UBE2H: variants seen among roughly 807,000 people sequenced by gnomAD.
The protein encoded by UBE2H is ubiquitin conjugating enzyme E2 H.
UBE2H carries 3 observed loss-of-function variants against 29.0 expected under a neutral mutation model. The observed-to-expected ratio is 0.10, with a 90% CI of 0.05 to 0.27. The LOEUF is 0.27. Ranked by LOEUF, UBE2H falls within the 10% of genes least tolerant of loss-of-function variation. The probability of loss-of-function intolerance (pLI) is 1.00; values close to 1 mark genes in which losing one functional copy is unlikely to be tolerated. For missense variants in UBE2H, 68 were observed against 228.2 expected (o/e 0.30, Z 4.52); for synonymous variants, 69 against 82.9 (o/e 0.83, Z 0.91).
Position 129,902,668 on chromosome 7 carries a change from C to A in UBE2H, c.54-21697G>T, listed in dbSNP as rs568929813. Among the ~76,000 whole-genome samples, 8 of 152,306 alleles carry A rather than the reference C, an allele frequency of 5.3e-5. No individual in the cohort carries two copies. In the East Asian group the frequency reaches 1.4e-3, roughly 26 times the overall value. On this transcript the variant is annotated intron_variant, in intron 1 of 6. Transcript: ENST00000355621. ...GAGGAGCTTGTTAGAAATGAACACA[C>A]TGGACCCCAGTTTCAGACTAACTGA...
At chr7:129,874,636 AT>A (rs951653258) in intron 3 of UBE2H, among the ~76,000 whole-genome samples, 2 of 151,352 alleles carry the variant, frequency 1.3e-5, no homozygotes, top group African/African-American at 2.4e-5. Context: ...AGACTTTTAT[AT>A]TTTTTTTCCC....
chr7:129,899,974 A>G (rs1450266576), intron 1 of UBE2H, among the ~76,000 whole-genome samples: 1 of 152,112 alleles, frequency 6.6e-6, no homozygotes, highest in African/African-American at 2.4e-5. Context: ...TACTAAAAAT[A>G]CAAAAACTAG....
chr7:129,865,000 A>G, intron 3 of UBE2H: 1 of 409,316 alleles, frequency 2.4e-6, no homozygotes. Context: ...ATAAATGTCC[A>G]GCTAAAATGC....
At chr7:129,875,836 G>C (rs1164689709) in intron 3 of UBE2H, among the ~76,000 whole-genome samples, 1 of 152,206 alleles carries the variant, frequency 6.6e-6, no homozygotes, top group Non-Finnish European at 1.5e-5. Context: ...TGAACCTCGA[G>C]AAGTGTGAGC....
At chr7:129,923,690 A>G (rs1207629553) in intron 1 of UBE2H, among the ~76,000 whole-genome samples, 1 of 152,204 alleles carries the variant, frequency 6.6e-6, no homozygotes, top group African/African-American at 2.4e-5. Flanking sequence ...AGGGATCAGG[A>G]ACAGTGATGG....
intron 5 of UBE2H, among the ~76,000 whole-genome samples, chr7:129,856,271 A>C (rs1395808825): frequency 6.6e-6 from 1 of 152,168 alleles, no homozygotes; most frequent in South Asian, 2.1e-4. Flanking sequence ...GTTCAACAAG[A>C]AGCAGCCATC....
At chr7:129,936,804 G>GAAA (rs1171897255) in intron 1 of UBE2H, among the ~76,000 whole-genome samples, 1 of 78,020 alleles carries the variant, frequency 1.3e-5, no homozygotes, top group African/African-American at 4.9e-5. Context: ...TCTCTACTAG[G>GAAA]AAAAAAAAAA....
chr7:129,860,612 T>C (rs559154401), intron 3 of UBE2H, among the ~76,000 whole-genome samples: 4 of 152,036 alleles, frequency 2.6e-5, no homozygotes, highest in Non-Finnish European at 5.9e-5. Flanking sequence ...TGGGATAGGG[T>C]TGGATAAAGG....
At chr7:129,945,849 G>A (rs1000832360) in intron 1 of UBE2H, among the ~76,000 whole-genome samples, 14 of 152,030 alleles carry the variant, frequency 9.2e-5, no homozygotes, top group African/African-American at 3.4e-4. Context: ...CAAGCGAATT[G>A]ATTCTCCTGC....
intron 1 of UBE2H, among the ~76,000 whole-genome samples, chr7:129,924,786 G>C (rs573598761): frequency 2.8e-4 from 42 of 151,942 alleles, no homozygotes; most frequent in Admixed American, 5.3e-4. Flanking sequence ...AAAGCCCCAA[G>C]GTCTCTGAGC....
intron 1 of UBE2H, among the ~76,000 whole-genome samples, chr7:129,916,767 G>A (rs113741044): frequency 0.062 from 9,396 of 152,120 alleles, 366 homozygotes; most frequent in Non-Finnish European, 0.091. Flanking sequence ...GGCTGGGAGC[G>A]GTGGCTCACA....
intron 1 of UBE2H, among the ~76,000 whole-genome samples, chr7:129,910,984 T>C (rs1806924104): frequency 6.6e-6 from 1 of 151,724 alleles, no homozygotes; most frequent in Non-Finnish European, 1.5e-5. Context: ...AGTTGTGAGA[T>C]TATCTCCAAC....
chr7:129,837,897 C>T (rs1210592759), intron 6 of UBE2H, among the ~76,000 whole-genome samples: 2 of 152,022 alleles, frequency 1.3e-5, no homozygotes, highest in Admixed American at 6.6e-5. Context: ...AATGTAGGCT[C>T]GGTTCTTTTT....
In UBE2H at chr7:129,834,875, T is replaced by C; in HGVS notation, c.*62A>G. 1 of 1,599,490 alleles carries C rather than the reference T, an allele frequency of 6.3e-7. No homozygotes were observed. Among genetic ancestry groups the C allele is most frequent in the Non-Finnish European group, 8.5e-7 (1 of 1,175,216 alleles). On this transcript the variant is annotated 3_prime_UTR_variant, in exon 7 of 7. Transcript: ENST00000355621. ...AAATTGCTTTGTTTAAATATGAATA[T>C]TATAGTCTGCTTCTCATGGTTAGGA...
Position 129,880,818 on chromosome 7 carries a change from C to CA in UBE2H, c.130+76dup, listed in dbSNP as rs34198937. On this transcript the variant is annotated intron_variant, in intron 2 of 6. Transcript: ENST00000355621. ...GCTTTTCAGAAACTACGCATGCTAC[C>CA]ATCTGTCTTTGATATTCTATTAAGA... The CA allele has an allele frequency of 5.3e-6, 7 of 1,324,322 alleles. No homozygotes were observed. The South Asian group carries it at 9.4e-5, about 18-fold the overall frequency. The allele number at this position is 1,324,322 out of a possible 1,614,324, so 82.0% of individuals were successfully genotyped here. A position where few individuals can be genotyped will look rare whatever the true frequency, so the allele number is the denominator to read the frequency against.
chr7:129,877,443 C>T (rs1022595250), intron 3 of UBE2H, among the ~76,000 whole-genome samples: 2 of 152,202 alleles, frequency 1.3e-5, no homozygotes, highest in African/African-American at 4.8e-5. Flanking sequence ...AAGCACATCT[C>T]AACAGTAATT....
intron 3 of UBE2H, among the ~76,000 whole-genome samples, chr7:129,876,148 G>T (rs1209268233): frequency 6.6e-6 from 1 of 152,178 alleles, no homozygotes; most frequent in Non-Finnish European, 1.5e-5. Flanking sequence ...CCTTCGTCAT[G>T]TCCAGCAGGA....
chr7:129,844,310 T>G (rs1392466697), intron 5 of UBE2H, among the ~76,000 whole-genome samples: 2 of 152,224 alleles, frequency 1.3e-5, no homozygotes, highest in Non-Finnish European at 2.9e-5. Context: ...TGATTACTCC[T>G]AAGGGTGCTT....
At chr7:129,925,673 A>C (rs1421515977) in intron 1 of UBE2H, among the ~76,000 whole-genome samples, 3 of 152,264 alleles carry the variant, frequency 2.0e-5, no homozygotes, top group East Asian at 3.9e-4. Context: ...AGGGAGGGAC[A>C]CTCAGAAAAG....
Sources: allele counts gnomAD v4.1 joint callset (sites outside exome capture counted in the v4.1 genomes callset), GRCh38; gene constraint gnomAD v4.1.1; transcripts MANE v1.5; gene names NCBI Gene and HGNC (gene_info 2026-07-23, HGNC 2026-07-21).